WDR70: variants seen among roughly 807,000 people sequenced by gnomAD.
WDR70 encodes the protein WD repeat-containing protein 70.
Under a neutral mutation model 88.6 loss-of-function variants are expected in WDR70, and 53 were observed. The ratio of observed to expected loss-of-function variants is 0.60; its 90% CI spans 0.48 to 0.75. The LOEUF (loss-of-function observed/expected upper bound fraction) is 0.75, where lower values mean the gene tolerates loss of function less well. Among genes scored for constraint, WDR70 ranks in the 30% least tolerant of loss-of-function variants. The pLI, the probability that WDR70 is intolerant of heterozygous loss-of-function variation, is 0.00. For synonymous variants in WDR70, 280 were observed against 270.0 expected (o/e 1.04, Z -0.36); for missense variants, 610 against 823.2 (o/e 0.74, Z 3.17).
In WDR70 at chr5:37,432,085, G is replaced by A. The variant is rs543667179; in HGVS notation, c.493-5837G>A. Among the ~76,000 whole-genome samples, 13 of 152,196 alleles carry A rather than the reference G, an allele frequency of 8.5e-5. 1 individual carries two copies. In the South Asian group the frequency reaches 2.5e-3, roughly 29 times the overall value. ...GTATATACCCAGAATTGGAATTGCT[G>A]GATCATACAGTAATTATATTTTTAA... is the stretch of plus-strand genomic sequence containing the variant. On this transcript the variant is annotated intron_variant, in intron 5 of 17. Coordinates refer to ENST00000265107, the MANE Select transcript of WDR70 (RefSeq NM_018034.4).
At chr5:37,392,870 C>T (rs532690437) in intron 4 of WDR70, among the ~76,000 whole-genome samples, 201 of 152,140 alleles carry the variant, frequency 1.3e-3, no homozygotes, top group Non-Finnish European at 2.5e-3. Flanking sequence ...TGGTCTCCAA[C>T]TCCTGACCTC....
chr5:37,388,106 A>C (rs947491427), intron 3 of WDR70, among the ~76,000 whole-genome samples: 21 of 152,184 alleles, frequency 1.4e-4, no homozygotes, highest in African/African-American at 4.1e-4. Flanking sequence ...TGTGTAGGAC[A>C]TATGAAATAC....
Position 37,693,936 on chromosome 5 carries a change from A to G in WDR70, c.1093-3719A>G, listed in dbSNP as rs569124080. On this transcript the variant is annotated intron_variant, in intron 10 of 17. Coordinates refer to ENST00000265107, the MANE Select transcript of WDR70 (RefSeq NM_018034.4). ...ACAGGCAACCTACAAAATGGGAGAA[A>G]ATTTTTGCTATCTACCTATCTGACG... Among the ~76,000 whole-genome samples the G allele has an allele frequency of 2.5e-3, 385 of 152,348 alleles. 3 individuals are homozygous for G. Among genetic ancestry groups the G allele is most frequent in the South Asian group, 4.8e-3 (23 of 4,826 alleles).
At chr5:37,557,987 G>GTA (rs1490410842) in intron 9 of WDR70, among the ~76,000 whole-genome samples, 6 of 4,148 alleles carry the variant, frequency 1.4e-3, no homozygotes, top group Non-Finnish European at 2.9e-3. Context: ...ATGATGAAAG[G>GTA]TATATGAAAG....
At chr5:37,570,253 G>A (rs1409743429) in intron 9 of WDR70, among the ~76,000 whole-genome samples, 3 of 152,158 alleles carry the variant, frequency 2.0e-5, no homozygotes, top group Non-Finnish European at 4.4e-5. Context: ...CAAGGATGGT[G>A]TTCAGGTTTT....
chr5:37,477,917 A>G (rs1014348552), intron 7 of WDR70, among the ~76,000 whole-genome samples: 2 of 152,200 alleles, frequency 1.3e-5, no homozygotes, highest in South Asian at 4.1e-4. Context: ...GATTGCCCAT[A>G]TCCCCTGGGA....
intron 5 of WDR70, among the ~76,000 whole-genome samples, chr5:37,407,131 C>T (rs550003485): frequency 1.3e-5 from 2 of 152,268 alleles, no homozygotes; most frequent in South Asian, 4.2e-4. Context: ...CACTGTACTC[C>T]AGCCTGGGGA....
intron 17 of WDR70, among the ~76,000 whole-genome samples, chr5:37,745,237 G>C (rs1334770005): frequency 6.6e-6 from 1 of 151,980 alleles, no homozygotes; most frequent in East Asian, 1.9e-4. Context: ...GAGGGATTTT[G>C]TTACCACGAG....
Position 37,443,416 on chromosome 5 carries a change from C to T in WDR70, c.686+44C>T, listed in dbSNP as rs6451319. On this transcript the variant is annotated intron_variant, in intron 7 of 17. Coordinates refer to ENST00000265107, the MANE Select transcript of WDR70 (RefSeq NM_018034.4). ...AATATCTTCATATTTGACCTAATGT[C>T]TTCACATTGGAAGACAGTGCTGTTG... 7.6e-3 allele frequency: 12,155 copies of T among 1,606,972 alleles called. 795 individuals carry two copies. The African/African-American group carries it at 0.14, about 19-fold the overall frequency.
chr5:37,694,126 T>C (rs1333628295), intron 10 of WDR70, among the ~76,000 whole-genome samples: 3 of 152,122 alleles, frequency 2.0e-5, no homozygotes, highest in Non-Finnish European at 4.4e-5. Context: ...ATCAGAGAAA[T>C]GCAAATCAAA....
At chr5:37,555,041 T>G (rs998237511) in intron 9 of WDR70, among the ~76,000 whole-genome samples, 1 of 152,264 alleles carries the variant, frequency 6.6e-6, no homozygotes, top group African/African-American at 2.4e-5. Flanking sequence ...CATGTTCTAC[T>G]GTTTATAGAA....
At chr5:37,670,462 A>T (rs80083259) in intron 10 of WDR70, among the ~76,000 whole-genome samples, 10,217 of 152,278 alleles carry the variant, frequency 0.067, 373 homozygotes, top group South Asian at 0.12. Flanking sequence ...AGAGAAACAG[A>T]TGCCACATCT....
intron 5 of WDR70, among the ~76,000 whole-genome samples, chr5:37,425,770 A>G (rs1750105606): frequency 6.6e-6 from 1 of 152,198 alleles, no homozygotes; most frequent in South Asian, 2.1e-4. Flanking sequence ...GAAGAATGGA[A>G]ATGACTTGGT....
chr5:37,465,222 C>T (rs1739116270), intron 7 of WDR70, among the ~76,000 whole-genome samples: 1 of 152,132 alleles, frequency 6.6e-6, no homozygotes. Context: ...GGGCTGTGGC[C>T]CCTTTTGCTT....
chr5:37,379,375 G>T lies in WDR70; in HGVS notation c.8G>T (p.Arg3Leu), dbSNP rs771823178. 1.2e-6 allele frequency: 2 copies of T among 1,613,498 alleles called. No individual in the cohort carries two copies. The highest frequency in any genetic ancestry group is 2.2e-5 in the East Asian group (1 of 44,892). The change falls in exon 1 of 18, where the codon CGC becomes CTC. Residue 3 changes from arginine to leucine, a missense_variant. By Grantham distance (102) the Arg-to-Leu change is moderately radical. Around this residue, in one of 4 missense-constraint regions of WDR70, gnomAD observed 203 missense variants for 228.1 expected, o/e 0.89. Coordinates refer to ENST00000265107, the MANE Select transcript of WDR70 (RefSeq NM_018034.4). ...TGGGGTGTGCGGCCAGCCATGGAGC[G>T]CTCTGGGCCCAGCGAAGGTGGGTTT... ME[R>L]SGPSEVTGSD...
intron 9 of WDR70, among the ~76,000 whole-genome samples, chr5:37,523,958 C>G (rs867473844): frequency 3.3e-5 from 5 of 152,108 alleles, no homozygotes; most frequent in African/African-American, 1.2e-4. Context: ...TGAACAAAGC[C>G]GCTAAGAAAT....
intron 5 of WDR70, among the ~76,000 whole-genome samples, chr5:37,435,182 A>G (rs1394423240): frequency 6.6e-6 from 1 of 152,226 alleles, no homozygotes; most frequent in African/African-American, 2.4e-5. Flanking sequence ...TTGTCTATAT[A>G]TAGGCACATT....
intron 17 of WDR70, among the ~76,000 whole-genome samples, chr5:37,751,278 T>C (rs1443432155): frequency 6.6e-6 from 1 of 152,210 alleles, no homozygotes; most frequent in East Asian, 1.9e-4. Context: ...CTGTAGCTGC[T>C]TTTCGAAATT....
intron 7 of WDR70, among the ~76,000 whole-genome samples, chr5:37,451,519 A>T (rs1738675559): frequency 6.6e-6 from 1 of 152,202 alleles, no homozygotes; most frequent in South Asian, 2.1e-4. Flanking sequence ...ACACGTGGCT[A>T]GGTAGCTGCT....
Sources: allele counts gnomAD v4.1 joint callset (sites outside exome capture counted in the v4.1 genomes callset), GRCh38; gene constraint gnomAD v4.1.1; regional missense constraint gnomAD v4.1.1; transcripts MANE v1.5; gene names NCBI Gene and HGNC (gene_info 2026-07-23, HGNC 2026-07-21).